The following VIT variants were observed in gnomAD, a reference collection of about 807,000 sequenced individuals.
VIT encodes vitrin.
In VIT, 99 loss-of-function variants were observed where a neutral mutation model predicts 78.0. That is an observed-to-expected ratio of 1.27 (90% CI 1.08 to 1.50). The LOEUF is 1.50. Among genes scored for constraint, VIT ranks in the 40% most tolerant of loss-of-function variants. The pLI is 0.00. For synonymous variants in VIT, 374 were observed against 334.3 expected (o/e 1.12, Z -1.29); for missense variants, 1,126 against 875.3 (o/e 1.29, Z -3.61).
At chr2:36,723,753 GACAGCCTGGGTA>G (rs1487740249) in intron 2 of VIT, among the ~76,000 whole-genome samples, 2 of 152,016 alleles carry the variant, frequency 1.3e-5, no homozygotes, top group Non-Finnish European at 2.9e-5. Flanking sequence ...AGAAAGAAAA[GACAGCCTGGGTA>G]ACATAGTGAG....
Position 36,758,957 on chromosome 2 carries a change from T to C in VIT, c.410-12T>C. On this transcript the variant is annotated splice_polypyrimidine_tract_variant and intron_variant, in intron 5 of 15. Transcript: ENST00000379242. ...AGAAATAAATCTCGTTTTTTTTTTC[T>C]CTTTTTTGCAGAAAGTAAACCCAAA... 3 of 1,592,204 alleles carry C rather than the reference T, an allele frequency of 1.9e-6. No individual in the cohort carries two copies. Among genetic ancestry groups the C allele is most frequent in the Non-Finnish European group, 2.6e-6 (3 of 1,175,126 alleles).
At chr2:36,791,935 C>T (rs1665530932) in intron 12 of VIT, among the ~76,000 whole-genome samples, 1 of 151,578 alleles carries the variant, frequency 6.6e-6, no homozygotes. Context: ...GAGTCTGCAG[C>T]CAAAAAAAAA....
intron 1 of VIT, among the ~76,000 whole-genome samples, chr2:36,710,440 A>G (rs1665731079): frequency 6.6e-6 from 1 of 152,210 alleles, no homozygotes; most frequent in African/African-American, 2.4e-5. Context: ...AAGTTTTGGC[A>G]TATGAATACT....
intron 6 of VIT, among the ~76,000 whole-genome samples, chr2:36,762,735 T>G (rs940780488): frequency 6.6e-6 from 1 of 152,172 alleles, no homozygotes; most frequent in Non-Finnish European, 1.5e-5. Flanking sequence ...CCCGTCTCTC[T>G]GACAATATGA....
intron 5 of VIT, among the ~76,000 whole-genome samples, chr2:36,758,369 G>T (rs892288701): frequency 3.9e-5 from 6 of 152,156 alleles, no homozygotes; most frequent in Admixed American, 3.3e-4. Context: ...GTCCTTTTAT[G>T]GTCAGAAGAA....
intron 6 of VIT, among the ~76,000 whole-genome samples, chr2:36,760,837 G>A (rs1486301115): frequency 6.6e-6 from 1 of 152,184 alleles, no homozygotes; most frequent in Non-Finnish European, 1.5e-5. Context: ...CAGAGCCATG[G>A]GAACAGCCAG....
At chr2:36,763,306 G>A (rs1276155390) in intron 6 of VIT, among the ~76,000 whole-genome samples, 1 of 152,128 alleles carries the variant, frequency 6.6e-6, no homozygotes, top group Non-Finnish European at 1.5e-5. Context: ...GTTTGAGAAG[G>A]TGGCTGCCTG....
intron 3 of VIT, among the ~76,000 whole-genome samples, chr2:36,731,297 TG>T (rs1667191402): frequency 6.6e-6 from 1 of 152,048 alleles, no homozygotes; most frequent in Non-Finnish European, 1.5e-5. Context: ...ATTTTTGAGA[TG>T]GAGTCTCACT....
At chr2:36,762,056 A>G (rs1460208263) in intron 6 of VIT, among the ~76,000 whole-genome samples, 1 of 152,094 alleles carries the variant, frequency 6.6e-6, no homozygotes, top group East Asian at 1.9e-4. Flanking sequence ...GGGCAGAGAA[A>G]CTATAGCCAA....
chr2:36,745,376 AT>A (rs1394427049), intron 4 of VIT, among the ~76,000 whole-genome samples: 1 of 152,058 alleles, frequency 6.6e-6, no homozygotes, highest in Non-Finnish European at 1.5e-5. Flanking sequence ...GATAAAAATA[AT>A]GTTGAATCTG....
chr2:36,742,127 A>G (rs1009686301), intron 3 of VIT, among the ~76,000 whole-genome samples: 1 of 152,178 alleles, frequency 6.6e-6, no homozygotes, highest in African/African-American at 2.4e-5. Flanking sequence ...ATATTCCCAG[A>G]TCAAAAGGCA....
intron 8 of VIT, chr2:36,774,560 T>G (rs1669940742): frequency 1.0e-6 from 1 of 985,314 alleles, no homozygotes; most frequent in Non-Finnish European, 1.2e-6. Flanking sequence ...ACTCGTCCAC[T>G]CTCCACATGT....
In VIT at chr2:36,743,183, G is replaced by C. The variant is rs1481198036; in HGVS notation, c.202G>C (p.Asp68His). 1.9e-6 allele frequency: 3 copies of C among 1,614,046 alleles called. No homozygotes were observed. Among genetic ancestry groups the C allele is most frequent in the Middle Eastern group, 3.3e-4 (2 of 6,062 alleles). ...TGTGAAATGTCCAGCAGGATGCCAA[G>C]ACCCCAAATACCATGTTTATGGCAC... ...FIVKCPAGCQ[D>H]PKYHVYGTDV... The change falls in exon 4 of 16, where the codon GAC (aspartate) becomes CAC (histidine). Residue 68 changes from aspartate to histidine, a missense_variant. Coordinates refer to ENST00000379242, the MANE Select transcript of VIT (RefSeq NM_053276.4).
intron 11 of VIT, among the ~76,000 whole-genome samples, 195 bp from the exon 12 acceptor site, chr2:36,786,934 G>A (rs1256107814): frequency 6.6e-6 from 1 of 152,200 alleles, no homozygotes; most frequent in Non-Finnish European, 1.5e-5. Context: ...ATAAGGACTA[G>A]CCTAAGTGTC....
intron 9 of VIT, among the ~76,000 whole-genome samples, chr2:36,776,730 G>A (rs1314756809): frequency 6.6e-6 from 1 of 151,948 alleles, no homozygotes; most frequent in Non-Finnish European, 1.5e-5. Context: ...GGGAGGCCGA[G>A]GGTGCAGTAA....
intron 4 of VIT, among the ~76,000 whole-genome samples, chr2:36,749,755 A>G (rs1381585337): frequency 6.6e-6 from 1 of 152,316 alleles, no homozygotes; most frequent in Non-Finnish European, 1.5e-5. Flanking sequence ...TGGATGCTGG[A>G]TAAAATTTCT....
intron 2 of VIT, among the ~76,000 whole-genome samples, chr2:36,723,603 T>C (rs1181609625): frequency 2.6e-5 from 4 of 152,232 alleles, no homozygotes; most frequent in Non-Finnish European, 5.9e-5. Context: ...TCTCTATGCA[T>C]TAAACAATAA....
intron 3 of VIT, among the ~76,000 whole-genome samples, chr2:36,742,583 T>G (rs1667899475): frequency 1.3e-5 from 2 of 152,146 alleles, no homozygotes; most frequent in Admixed American, 6.5e-5. Context: ...CCTTCTTAAT[T>G]TGGTCCATCC....
intron 2 of VIT, among the ~76,000 whole-genome samples, chr2:36,721,692 C>A (rs181867536): frequency 1.3e-5 from 2 of 152,068 alleles, no homozygotes; most frequent in African/African-American, 4.8e-5. Flanking sequence ...GCCCCCACTC[C>A]GGCACTGAAC....
Sources: allele counts gnomAD v4.1 joint callset (sites outside exome capture counted in the v4.1 genomes callset), GRCh38; gene constraint gnomAD v4.1.1; transcripts MANE v1.5; gene names NCBI Gene and HGNC (gene_info 2026-07-23, HGNC 2026-07-21).